The following AHNAK variants were observed in gnomAD, a reference collection of about 807,000 sequenced individuals.
AHNAK encodes the protein AHNAK nucleoprotein.
Under a neutral mutation model 37.8 loss-of-function variants are expected in AHNAK, and 23 were observed. The ratio of observed to expected loss-of-function variants is 0.61; its 90% CI spans 0.44 to 0.86. The LOEUF is 0.86. AHNAK is among the 40% of genes least tolerant of loss of function. The pLI, the probability that AHNAK is intolerant of heterozygous loss-of-function variation, is 0.00. For synonymous variants in AHNAK, 2,481 were observed against 2,636.3 expected (o/e 0.94, Z 1.80); for missense variants, 7,411 against 7,319.4 (o/e 1.01, Z -0.46).
At chr11:62,452,169 T>C (rs7118122) in intron 5 of AHNAK, among the ~76,000 whole-genome samples, 1 of 151,942 alleles carries the variant, frequency 6.6e-6, no homozygotes, top group African/African-American at 2.4e-5. Context: ...CCAAAGAGAG[T>C]AATGACAATA....
chr11:62,439,967 C>T (rs1322997082), intron 5 of AHNAK, among the ~76,000 whole-genome samples: 2 of 152,150 alleles, frequency 1.3e-5, no homozygotes, highest in Admixed American at 1.3e-4. Context: ...TGTGCCCGGC[C>T]GCATTTGTCT....
At chr11:62,436,297 C>CA (rs1049385491) in intron 5 of AHNAK, among the ~76,000 whole-genome samples, 1 of 152,116 alleles carries the variant, frequency 6.6e-6, no homozygotes, top group Non-Finnish European at 1.5e-5. Flanking sequence ...ATGGTGTCTG[C>CA]AACATCTGAT....
intron 4 of AHNAK, among the ~76,000 whole-genome samples, chr11:62,499,420 G>A (rs1202863571): frequency 3.3e-5 from 5 of 152,272 alleles, no homozygotes; most frequent in Admixed American, 6.5e-5. Flanking sequence ...GCATGGTATC[G>A]TGTGCCTGTA....
intron 5 of AHNAK, among the ~76,000 whole-genome samples, chr11:62,442,267 C>G (rs565427221): frequency 6.6e-6 from 1 of 152,076 alleles, no homozygotes; most frequent in African/African-American, 2.4e-5. Context: ...TCTTTAGGGC[C>G]GGGCACAGCA....
intron 3 of AHNAK, 52 bp from the exon 4 acceptor site, chr11:62,535,242 CCGCACACAGCCACCACACA>C: frequency 6.6e-7 from 1 of 1,513,214 alleles, no homozygotes; most frequent in Non-Finnish European, 9.1e-7. Flanking sequence ...CTCAGGGAAA[CCGCACACAGCCACCACACA>C]CTGGGCACTG....
At chr11:62,440,086 G>A (rs1397137200) in intron 5 of AHNAK, among the ~76,000 whole-genome samples, 3 of 152,144 alleles carry the variant, frequency 2.0e-5, no homozygotes, top group East Asian at 1.9e-4. Context: ...GCCATCCTGC[G>A]TGTGGCCTGA....
Position 62,533,295 on chromosome 11 carries a change from T to C in AHNAK, c.1122A>G (p.Gln374=). The change falls in exon 5 of 5, where the codon CAA becomes CAG. Residue 374 remains glutamine (Q), a synonymous_variant. Transcript: ENST00000378024. ...CACCCTCAAGTGATGGCCCAGTGAT[T>C]TGGGGGCCCTTCAGCTTCCCCTCAA... ...EGLEGKLKGP[Q]ITGPSLEGDL... 3 of 1,530,272 alleles carry C rather than the reference T, an allele frequency of 2.0e-6. No homozygotes were observed. Among genetic ancestry groups the C allele is most frequent in the South Asian group, 1.3e-5 (1 of 75,796 alleles). The allele number at this position is 1,530,272 out of a possible 1,614,324, so 94.8% of individuals were successfully genotyped here.
rs1293425240 is a variant in AHNAK at position 62,520,852 on chromosome 11, C to A, written c.13565G>T (p.Ser4522Ile). ...TCCTTTCAAATTCAAATCAATGTCA[C>A]TCATGGAGATTTGTGGGCTTTTGAA... ...VHFKSPQISM[S>I]DIDLNLKGPK... The change falls in exon 5 of 5, where the codon AGT (serine) becomes ATT (isoleucine). Residue 4522 changes from serine to isoleucine, a missense_variant. Physicochemically the swap from Ser to Ile is moderately radical, Grantham distance 142. Coordinates refer to ENST00000378024, the MANE Select transcript of AHNAK (RefSeq NM_001620.3). 1.2e-5 allele frequency: 20 copies of A among 1,614,156 alleles called. No homozygotes were observed. The highest frequency in any genetic ancestry group is 1.5e-5 in the Non-Finnish European group (18 of 1,180,044).
intron 1 of AHNAK, among the ~76,000 whole-genome samples, chr11:62,545,077 C>T (rs1941264435): frequency 6.6e-6 from 1 of 152,340 alleles, no homozygotes; most frequent in East Asian, 1.9e-4. Context: ...CCTCCGGAGA[C>T]TCCGGAGGTC....
At position 62,526,316 on chromosome 11, in the gene AHNAK, T is replaced by C. The variant is rs1487303545; in HGVS notation, c.8101A>G (p.Asn2701Asp). 1 of 1,613,058 alleles carries C rather than the reference T, an allele frequency of 6.2e-7. No individual in the cohort carries two copies. Among genetic ancestry groups the C allele is most frequent in the Non-Finnish European group, 8.5e-7 (1 of 1,179,734 alleles). Residue 2701 changes from asparagine to aspartate, a missense_variant, in exon 5 of 5, where the codon AAT becomes GAT. Physicochemically the swap from Asn to Asp is conservative, Grantham distance 23 (BLOSUM62 1). Transcript: ENST00000378024. ...ATGGAGATCTTGGGGGCTTTGATAT[T>C]CATCTCTGGCATCTTGAACTTAGGC... Reference protein sequence around the residue: ...KGPKFKMPEMNIKAPKISMPD... With the variant: ...KGPKFKMPEMDIKAPKISMPD...
chr11:62,479,255 C>G (rs1385181597), intron 5 of AHNAK, among the ~76,000 whole-genome samples: 1 of 144,812 alleles, frequency 6.9e-6, no homozygotes, highest in Non-Finnish European at 1.5e-5. Context: ...GCAACCTCTG[C>G]CTCCCAGGTT....
intron 5 of AHNAK, among the ~76,000 whole-genome samples, chr11:62,480,679 A>AAAAGG (rs1291767400): frequency 8.6e-5 from 13 of 151,306 alleles, no homozygotes; most frequent in African/African-American, 2.9e-4. Context: ...AAAAGAAAAG[A>AAAAGG]AAAGAAAAAA....
chr11:62,543,828 G>C (rs941568087), intron 1 of AHNAK, among the ~76,000 whole-genome samples: 1 of 152,160 alleles, frequency 6.6e-6, no homozygotes, highest in Non-Finnish European at 1.5e-5. Context: ...CCTCCCCAGC[G>C]GCCATCACCC....
intron 5 of AHNAK, among the ~76,000 whole-genome samples, chr11:62,467,630 A>G (rs747078665): frequency 3.4e-4 from 52 of 152,366 alleles, no homozygotes; most frequent in Admixed American, 1.8e-3. Context: ...GGTTGCAGTG[A>G]GCCAAGATCA....
chr11:62,509,060 C>A (rs1247269994), intron 4 of AHNAK, among the ~76,000 whole-genome samples: 1 of 152,146 alleles, frequency 6.6e-6, no homozygotes, highest in African/African-American at 2.4e-5. Context: ...AATTAACATA[C>A]CCATCATGTG....
chr11:62,462,186 T>A (rs956033452), intron 5 of AHNAK, among the ~76,000 whole-genome samples: 6 of 152,060 alleles, frequency 3.9e-5, no homozygotes, highest in African/African-American at 1.4e-4. Context: ...CAACTTTCCC[T>A]CTCTCACCAC....
At chr11:62,496,172 A>C (rs1206768992) in intron 4 of AHNAK, among the ~76,000 whole-genome samples, 2 of 152,204 alleles carry the variant, frequency 1.3e-5, no homozygotes, top group Non-Finnish European at 2.9e-5. Context: ...TATTCACTTT[A>C]GAAAATGAAA....
chr11:62,532,321 A>G lies in AHNAK; in HGVS notation c.2096T>C (p.Met699Thr). 1 of 1,614,186 alleles carries G rather than the reference A, an allele frequency of 6.2e-7. No individual in the cohort carries two copies. Among genetic ancestry groups the G allele is most frequent in the Non-Finnish European group, 8.5e-7 (1 of 1,180,036 alleles). ...TTTCACGTGCAAATCTACATCAGGCATGGAGATCTTTGGTGTCTTGACACT... is the reference window on the plus strand; with the variant it reads ...TTTCACGTGCAAATCTACATCAGGCGTGGAGATCTTTGGTGTCTTGACACT... ...DMSVKTPKISMPDVDLHVKGT... is the reference protein window; with the variant it reads ...DMSVKTPKISTPDVDLHVKGT... Residue 699 changes from methionine (M) to threonine (T), a missense_variant, in exon 5 of 5, where the codon ATG (methionine) becomes ACG (threonine). Met to Thr is a moderately conservative substitution (Grantham distance 81). Coordinates refer to ENST00000378024, the MANE Select transcript of AHNAK (RefSeq NM_001620.3).
intron 1 of AHNAK, among the ~76,000 whole-genome samples, chr11:62,543,381 G>C (rs559146518): frequency 6.6e-6 from 1 of 152,300 alleles, no homozygotes; most frequent in African/African-American, 2.4e-5. Context: ...CACGCCACAA[G>C]GGGAAGACCT....
Sources: gnomAD v4.1 joint callset for allele counts (sites outside exome capture counted in the v4.1 genomes callset) on GRCh38, gnomAD v4.1.1 for gene constraint, MANE v1.5 for transcripts, NCBI Gene and HGNC (gene_info 2026-07-23, HGNC 2026-07-21) for gene names.